GSE1: variants seen among roughly 807,000 people sequenced by gnomAD.
GSE1 encodes genetic suppressor element 1.
GSE1 carries 32 observed loss-of-function variants against 112.6 expected under a neutral mutation model. The ratio of observed to expected loss-of-function variants is 0.28; its 90% CI spans 0.21 to 0.38. The LOEUF is 0.38. Among genes scored for constraint, GSE1 ranks in the 10% least tolerant of loss-of-function variants. The probability of loss-of-function intolerance (pLI) is 1.00; values close to 1 mark genes in which losing one functional copy is unlikely to be tolerated. For synonymous variants in GSE1, 1,115 were observed against 735.6 expected, an observed-to-expected ratio of 1.52 and a Z score of -8.35; for missense variants, 2,348 against 1,699.2, an observed-to-expected ratio of 1.38 and a Z score of -6.71.
intron 2 of GSE1, among the ~76,000 whole-genome samples, chr16:85,514,436 CA>C (rs58371503): frequency 0.07 from 4,282 of 61,444 alleles, 288 homozygotes; most frequent in East Asian, 0.36. Flanking sequence ...TCCCCCCCCC[CA>C]CCCCAGGGCA....
intron 1 of GSE1, among the ~76,000 whole-genome samples, chr16:85,335,004 AC>A (rs1597420041): frequency 6.6e-6 from 1 of 152,006 alleles, no homozygotes; most frequent in East Asian, 1.9e-4. Flanking sequence ...GAAGCCCCAG[AC>A]CCCTGCTCCT....
At chr16:85,354,308 T>C (rs1463333391) in intron 1 of GSE1, among the ~76,000 whole-genome samples, 1 of 152,248 alleles carries the variant, frequency 6.6e-6, no homozygotes, top group African/African-American at 2.4e-5. Context: ...CCAGTTATTG[T>C]GTGAGCTCAG....
chr16:85,246,367 A>G (rs1226892813), intron 1 of GSE1, among the ~76,000 whole-genome samples: 1 of 68,408 alleles, frequency 1.5e-5, no homozygotes, highest in Non-Finnish European at 2.9e-5. Flanking sequence ...ACACACACAC[A>G]CCACACGCTG....
chr16:85,580,962 T>C (rs1324442115), intron 1 of GSE1, among the ~76,000 whole-genome samples: 1 of 152,214 alleles, frequency 6.6e-6, no homozygotes, highest in African/African-American at 2.4e-5. Flanking sequence ...CTGGGGTGTT[T>C]TGTTTGGTAG....
chr16:85,604,027 C>T lies in GSE1; in HGVS notation c.38-44525C>T, dbSNP rs143262768. Among the ~76,000 whole-genome samples the T allele has an allele frequency of 1.6e-3, 246 of 152,274 alleles. 4 individuals carry two copies. The highest frequency in any genetic ancestry group is 5.6e-3 in the African/African-American group (233 of 41,532). On this transcript the variant is annotated intron_variant, in intron 1 of 2. Coordinates refer to the GSE1 transcript ENST00000635906. ...AGGAAGCATGGTGCTCACATCTGCTCAGCTTCGGGGGAGGCCCCAGGAAAT... is the reference window on the plus strand; with the variant it reads ...AGGAAGCATGGTGCTCACATCTGCTTAGCTTCGGGGGAGGCCCCAGGAAAT...
intron 1 of GSE1, among the ~76,000 whole-genome samples, chr16:85,207,283 T>C (rs1481871012): frequency 6.6e-6 from 1 of 152,206 alleles, no homozygotes; most frequent in Non-Finnish European, 1.5e-5. Flanking sequence ...CAGGCTCCGC[T>C]CTGCGGGCCA....
At chr16:85,362,195 A>G (rs1403227343) in intron 2 of GSE1, among the ~76,000 whole-genome samples, 1 of 152,152 alleles carries the variant, frequency 6.6e-6, no homozygotes, top group African/African-American at 2.4e-5. Flanking sequence ...TGCAACCGAA[A>G]CCTTGTGATG....
At chr16:85,237,349 A>G (rs1904765989) in intron 1 of GSE1, among the ~76,000 whole-genome samples, 1 of 151,824 alleles carries the variant, frequency 6.6e-6, no homozygotes, top group Admixed American at 6.5e-5. Flanking sequence ...TAAATAAATA[A>G]AACAATAGAA....
At chr16:85,290,313 A>AC (rs1229699194) in intron 1 of GSE1, among the ~76,000 whole-genome samples, 1 of 151,658 alleles carries the variant, frequency 6.6e-6, no homozygotes, top group African/African-American at 2.4e-5. Context: ...TGTCCACGTC[A>AC]CCCCCAGGCC....
At chr16:85,569,474 T>C (rs772367352) in intron 1 of GSE1, among the ~76,000 whole-genome samples, 1 of 152,158 alleles carries the variant, frequency 6.6e-6, no homozygotes, top group Non-Finnish European at 1.5e-5. Flanking sequence ...GGGTGGTAAA[T>C]GTGGAGGATA....
At chr16:85,560,162 A>C (rs1159780544) in intron 1 of GSE1, among the ~76,000 whole-genome samples, 1 of 108,656 alleles carries the variant, frequency 9.2e-6, no homozygotes, top group African/African-American at 3.7e-5. Context: ...TGTGAGACGG[A>C]GTCTCTCTCT....
At chr16:85,361,576 T>C (rs959003546) in intron 2 of GSE1, among the ~76,000 whole-genome samples, 5 of 152,224 alleles carry the variant, frequency 3.3e-5, no homozygotes, top group Non-Finnish European at 5.9e-5. Context: ...CAGGAGCCTT[T>C]ACCAGCAGTG....
At chr16:85,606,630 C>T (rs1200154209), upstream of GSE1, among the ~76,000 whole-genome samples, 1 of 152,224 alleles carries the variant, frequency 6.6e-6, no homozygotes, top group Non-Finnish European at 1.5e-5. Flanking sequence ...TTGAGCCAGG[C>T]CCACCACCAG....
chr16:85,644,867 TTA>T (rs1330599278), intron 2 of GSE1, among the ~76,000 whole-genome samples: 2 of 148,234 alleles, frequency 1.3e-5, no homozygotes, highest in Non-Finnish European at 3.0e-5. Context: ...ATTTTTTTTT[TTA>T]AACAACGATC....
intron 1 of GSE1, among the ~76,000 whole-genome samples, chr16:85,277,845 C>A (rs1909522712): frequency 6.6e-6 from 1 of 152,226 alleles, no homozygotes; most frequent in Non-Finnish European, 1.5e-5. Context: ...CCAGGCCGGC[C>A]CCAGGACACC....
intron 1 of GSE1, among the ~76,000 whole-genome samples, chr16:85,209,489 C>T (rs1298584784): frequency 2.6e-5 from 4 of 152,118 alleles, no homozygotes; most frequent in Non-Finnish European, 5.9e-5. Flanking sequence ...GGCGTGCATC[C>T]CCCTGGACCA....
intron 1 of GSE1, among the ~76,000 whole-genome samples, chr16:85,587,118 G>GAGGGTACA (rs1806385611): frequency 6.6e-6 from 1 of 151,906 alleles, no homozygotes; most frequent in Non-Finnish European, 1.5e-5. Flanking sequence ...CCTCTGGCGG[G>GAGGGTACA]AGGGTACAGG....
upstream of GSE1, chr16:85,554,788 A>T (rs1177966387): frequency 5.6e-6 from 3 of 532,234 alleles, no homozygotes; most frequent in Non-Finnish European, 6.2e-6. Context: ...GGGGGGAGGG[A>T]GGGAGGACGG....
At chr16:85,613,261 A>G (rs2048115030), upstream of GSE1, 1 of 1,525,424 alleles carries the variant, frequency 6.6e-7, no homozygotes, top group Non-Finnish European at 8.8e-7. Flanking sequence ...GGGGCCCCGG[A>G]AGCTCCACCT....
Sources: allele counts gnomAD v4.1 joint callset (sites outside exome capture counted in the v4.1 genomes callset), GRCh38; gene constraint gnomAD v4.1.1; transcripts MANE v1.5; gene names NCBI Gene and HGNC (gene_info 2026-07-23, HGNC 2026-07-21).